Variants in ZFAND3 observed in about 807,000 individuals in gnomAD.
ZFAND3 encodes AN1-type zinc finger protein 3.
In ZFAND3, 10 loss-of-function variants were observed where a neutral mutation model predicts 29.6. The observed-to-expected ratio is 0.34, with a 90% confidence interval of 0.21 to 0.57. The LOEUF (loss-of-function observed/expected upper bound fraction) is 0.57. Ranked by LOEUF, ZFAND3 falls within the 20% of genes least tolerant of loss-of-function variation. The pLI is 0.86. For missense variants in ZFAND3, 230 were observed against 304.5 expected (o/e 0.76, Z 1.82); for synonymous variants, 128 against 112.6 (o/e 1.14, Z -0.87).
chr6:37,974,386 CT>C (rs1762442718), intron 2 of ZFAND3, among the ~76,000 whole-genome samples: 1 of 11,440 alleles, frequency 8.7e-5, no homozygotes. Flanking sequence ...ATTATATACT[CT>C]CTCTCTCTCT....
In ZFAND3 at chr6:38,154,596, A is replaced by G. The variant is rs1481455218; in HGVS notation, c.*2207A>G. ...AACTTTATTCTTTTTTCTCCTGCTGAAAAAAAAAATTAAACCAATCGTATG... is the reference window on the plus strand; with the variant it reads ...AACTTTATTCTTTTTTCTCCTGCTGGAAAAAAAAATTAAACCAATCGTATG... On this transcript the variant is annotated 3_prime_UTR_variant, in exon 6 of 6. Transcript: ENST00000287218. 1 of 870,584 alleles carries G rather than the reference A, an allele frequency of 1.1e-6. No individual in the cohort carries two copies. The highest frequency in any genetic ancestry group is 1.4e-6 in the Non-Finnish European group (1 of 724,296). The allele number at this position is 870,584 out of a possible 1,614,324, so 53.9% of individuals were successfully genotyped here.
intron 1 of ZFAND3, among the ~76,000 whole-genome samples, chr6:37,843,594 G>T (rs1025746816): frequency 6.6e-6 from 1 of 152,140 alleles, no homozygotes; most frequent in Admixed American, 6.5e-5. Context: ...GCTAATAGGA[G>T]AATTTTGTTT....
chr6:38,092,372 G>A (rs368182046), intron 4 of ZFAND3, among the ~76,000 whole-genome samples: 2 of 152,210 alleles, frequency 1.3e-5, no homozygotes, highest in African/African-American at 4.8e-5. Flanking sequence ...ACACCATAGA[G>A]AGAATAAGTA....
At chr6:37,889,288 T>G (rs1765052743) in intron 1 of ZFAND3, among the ~76,000 whole-genome samples, 1 of 152,214 alleles carries the variant, frequency 6.6e-6, no homozygotes, top group Non-Finnish European at 1.5e-5. Context: ...TCTGCCACTT[T>G]GCCAACTTCC....
intron 1 of ZFAND3, among the ~76,000 whole-genome samples, chr6:37,910,113 CTG>C (rs1765493349): frequency 6.6e-6 from 1 of 152,306 alleles, no homozygotes; most frequent in East Asian, 1.9e-4. Flanking sequence ...AATACATAGT[CTG>C]TGATAATTTA....
intron 4 of ZFAND3, among the ~76,000 whole-genome samples, chr6:38,096,906 G>C (rs895389926): frequency 6.6e-6 from 1 of 151,870 alleles, no homozygotes; most frequent in Non-Finnish European, 1.5e-5. Flanking sequence ...ATATTCATTA[G>C]CGGTTAGATT....
intron 1 of ZFAND3, chr6:37,915,481 G>A (rs1310335242): frequency 6.6e-6 from 1 of 152,218 alleles, no homozygotes; most frequent in Non-Finnish European, 1.5e-5. Context: ...TAAGAGACAT[G>A]TGACTCTTTT....
intron 5 of ZFAND3, among the ~76,000 whole-genome samples, chr6:38,127,581 GA>G (rs1765658621): frequency 6.6e-6 from 1 of 152,152 alleles, no homozygotes; most frequent in Admixed American, 6.5e-5. Context: ...GCCACAGTGA[GA>G]GATGTTTAGA....
intron 2 of ZFAND3, among the ~76,000 whole-genome samples, chr6:38,025,123 A>G (rs1019473312): frequency 2.0e-5 from 3 of 152,182 alleles, no homozygotes; most frequent in African/African-American, 7.2e-5. Context: ...GGATCCATTC[A>G]TTACATTCCT....
chr6:37,949,554 T>C (rs953473257), intron 2 of ZFAND3, among the ~76,000 whole-genome samples: 1 of 152,108 alleles, frequency 6.6e-6, no homozygotes, highest in Non-Finnish European at 1.5e-5. Context: ...CTCCCTCCTT[T>C]CCCCACCAGT....
At chr6:37,983,129 T>C (rs1424408424) in intron 2 of ZFAND3, among the ~76,000 whole-genome samples, 2 of 151,966 alleles carry the variant, frequency 1.3e-5, no homozygotes, top group Admixed American at 6.5e-5. Flanking sequence ...AATTCAGAAG[T>C]TTTATAATAT....
chr6:37,988,357 C>T (rs957991346), intron 2 of ZFAND3, among the ~76,000 whole-genome samples: 2 of 152,186 alleles, frequency 1.3e-5, no homozygotes, highest in Admixed American at 1.3e-4. Context: ...GACCTTTATG[C>T]TTTTACTCCT....
intron 1 of ZFAND3, among the ~76,000 whole-genome samples, chr6:37,920,066 T>C (rs1761348275): frequency 3.3e-5 from 5 of 151,060 alleles, no homozygotes; most frequent in Admixed American, 3.3e-4. Flanking sequence ...TTTTTTTTTT[T>C]TTTTTTTGGC....
chr6:37,934,529 TAAAAAAA>T (rs34477813), intron 2 of ZFAND3, among the ~76,000 whole-genome samples: 2 of 125,380 alleles, frequency 1.6e-5, no homozygotes, highest in Non-Finnish European at 1.6e-5. Context: ...TTAGTCTATT[TAAAAAAA>T]AAAAAAAAAA....
intron 1 of ZFAND3, among the ~76,000 whole-genome samples, chr6:37,823,635 C>A (rs893828840): frequency 5.9e-5 from 9 of 152,170 alleles, no homozygotes; most frequent in African/African-American, 2.2e-4. Context: ...CCAGTTCTCT[C>A]CCTCTTGGCT....
At chr6:37,894,115 C>T (rs1053946312) in intron 1 of ZFAND3, among the ~76,000 whole-genome samples, 5 of 151,890 alleles carry the variant, frequency 3.3e-5, no homozygotes, top group Admixed American at 2.6e-4. Flanking sequence ...ATTAGCTGGG[C>T]GTGGTGGCTG....
At chr6:38,071,611 A>C (rs1003665144) in intron 3 of ZFAND3, among the ~76,000 whole-genome samples, 3 of 152,028 alleles carry the variant, frequency 2.0e-5, no homozygotes, top group African/African-American at 7.3e-5. Flanking sequence ...GATTTGGATT[A>C]TATTGAATAT....
chr6:37,876,785 A>G (rs1332719155), intron 1 of ZFAND3, among the ~76,000 whole-genome samples: 2 of 152,206 alleles, frequency 1.3e-5, no homozygotes, highest in South Asian at 4.1e-4. Context: ...GTTTATAACC[A>G]TGACCCTTTT....
intron 5 of ZFAND3, among the ~76,000 whole-genome samples, chr6:38,122,170 C>T (rs1581936447): frequency 6.6e-6 from 1 of 152,152 alleles, no homozygotes; most frequent in East Asian, 1.9e-4. Flanking sequence ...GAATCGGCTC[C>T]AGAGCCTCCC....
Sources: gnomAD v4.1 joint callset for allele counts (sites outside exome capture counted in the v4.1 genomes callset) on GRCh38, gnomAD v4.1.1 for gene constraint, MANE v1.5 for transcripts, NCBI Gene and HGNC (gene_info 2026-07-23, HGNC 2026-07-21) for gene names.